Variants in TDRD6 observed in about 807,000 individuals in gnomAD.
TDRD6 encodes the protein tudor domain containing 6.
Under a neutral mutation model 157.5 loss-of-function variants are expected in TDRD6, and 186 were observed. The ratio of observed to expected loss-of-function variants is 1.18; its 90% confidence interval spans 1.05 to 1.33. The LOEUF is 1.33. TDRD6 is among the 40% of genes most tolerant of loss of function. The pLI, the probability that TDRD6 is intolerant of heterozygous loss-of-function variation, is 0.00. For missense variants in TDRD6, 3,066 were observed against 2,508.0 expected (o/e 1.22, Z -4.75); for synonymous variants, 1,075 against 945.2 (o/e 1.14, Z -2.52).
At position 46,693,458 on chromosome 6, in the gene TDRD6, G is replaced by T; in HGVS notation, c.5330G>T (p.Cys1777Phe). ...NFRDPKTDNI[C>F]EGFENPCKDK... ...CGTGACCCTAAAACTGATAACATTT[G>T]TGAAGGGTTTGAAAACCCCTGCAAA... The change falls in exon 1 of 4, where the codon TGT becomes TTT. Residue 1777 changes from cysteine to phenylalanine, a missense_variant. Coordinates refer to ENST00000316081, the MANE Select transcript of TDRD6 (RefSeq NM_001010870.3). 2 of 1,614,068 alleles carry T rather than the reference G, an allele frequency of 1.2e-6. No homozygotes were observed. The highest frequency in any genetic ancestry group is 1.7e-6 in the Non-Finnish European group (2 of 1,180,002).
the TDRD6 span, among the ~76,000 whole-genome samples, chr6:46,680,474 T>C: frequency 2.0e-5 from 3 of 152,350 alleles, no homozygotes; most frequent in East Asian, 5.8e-4. Context: ...GTTTATATTC[T>C]CATATTTCAA....
upstream of TDRD6, among the ~76,000 whole-genome samples, chr6:46,683,117 T>C (rs984661780): frequency 6.6e-6 from 1 of 151,942 alleles, no homozygotes; most frequent in Non-Finnish European, 1.5e-5. Context: ...CAAAGACAGA[T>C]ATATAGATTG....
rs1371458831 is a variant in TDRD6, at chr6:46,692,713, G to C, written c.4585G>C (p.Asp1529His). The change falls in exon 1 of 4, where the codon GAT (aspartate) becomes CAT (histidine). Residue 1529 changes from aspartate (D) to histidine (H), a missense_variant. Asp to His is a moderately conservative substitution (Grantham distance 81, BLOSUM62 -1). Coordinates refer to ENST00000316081, the MANE Select transcript of TDRD6 (RefSeq NM_001010870.3). The stretch of plus-strand genomic sequence containing the variant: ...GATAAGAGCTTATGCCACTGTGATA[G>C]ATGGACCTGAGTACTTTTGGTGTCA... ...KMIRAYATVI[D>H]GPEYFWCQFA... 2 of 1,614,140 alleles carry C rather than the reference G, an allele frequency of 1.2e-6. No homozygotes were observed. The highest frequency in any genetic ancestry group is 2.2e-5 in the South Asian group (2 of 91,076).
rs1272199753 is a variant in TDRD6, at chr6:46,690,973, C to T, written c.2845C>T (p.His949Tyr). 6.2e-7 allele frequency: 1 copy of T among 1,613,974 alleles called. No homozygotes were observed. Among genetic ancestry groups the T allele is most frequent in the African/African-American group, 1.3e-5 (1 of 74,930 alleles). ...GCTAACCCCCTTTCAGAGTGCATGC[C>T]ATTTCTTGGTAGAAAAGAGACTTGC... ...DLLTPFQSAC[H>Y]FLVEKRLARP... Residue 949 changes from histidine to tyrosine, a missense_variant, in exon 1 of 4, where the codon CAT (histidine) becomes TAT (tyrosine). Transcript: ENST00000316081.
At position 46,694,098 on chromosome 6, in the gene TDRD6, A is replaced by G. The variant is rs1764430000; in HGVS notation, c.5970A>G (p.Ala1990=). The G allele has an allele frequency of 1.2e-6, 2 of 1,609,818 alleles. No homozygotes were observed. Among genetic ancestry groups the G allele is most frequent in the South Asian group, 1.1e-5 (1 of 89,938 alleles). The stretch of plus-strand genomic sequence containing the variant: ...ATAAAAACAGGGATGCCATTTCGGC[A>G]TTGATGCCTTTGTTCTCTGAGGAAG... ...VEYKNRDAIS[A]LMPLFSEEES... is the part of the protein sequence containing the mutation. The change falls in exon 1 of 4, where the codon GCA becomes GCG. Residue 1990 remains alanine, a synonymous_variant. Transcript: ENST00000316081.
rs368044284 is a variant in TDRD6, at chr6:46,693,787, G to A, written c.5659G>A (p.Ala1887Thr). 27 of 1,614,036 alleles carry A rather than the reference G, an allele frequency of 1.7e-5. 1 individual carries two copies. Among genetic ancestry groups the A allele is most frequent in the African/African-American group, 1.6e-4 (12 of 74,922 alleles). Residue 1887 changes from alanine to threonine, a missense_variant, in exon 1 of 4, where the codon GCC becomes ACC. Physicochemically the swap from Ala to Thr is moderately conservative, Grantham distance 58. Coordinates refer to ENST00000316081, the MANE Select transcript of TDRD6 (RefSeq NM_001010870.3). Reference protein sequence around the residue: ...PLSQECVTKGAMELFTLQLPL... With the variant: ...PLSQECVTKGTMELFTLQLPL... ...CTCCCAAGAGTGTGTCACAAAAGGC[G>A]CCATGGAGCTATTTACACTGCAGCT... is the stretch of plus-strand genomic sequence containing the variant.
chr6:46,693,566 T>A lies in TDRD6; in HGVS notation c.5438T>A (p.Ile1813Asn). ...GCAGAGTTTGATGATAAATACCTGATTACAGGATTTAACACATTACTACCA... is the reference window on the plus strand; with the variant it reads ...GCAGAGTTTGATGATAAATACCTGAATACAGGATTTAACACATTACTACCA... The part of the protein sequence containing the change: ...DKAEFDDKYL[I>N]TGFNTLLPHA... Residue 1813 changes from isoleucine (I) to asparagine (N), a missense_variant, in exon 1 of 4, where the codon ATT becomes AAT. Coordinates refer to ENST00000316081, the MANE Select transcript of TDRD6 (RefSeq NM_001010870.3). 1 of 1,614,146 alleles carries A rather than the reference T, an allele frequency of 6.2e-7. No individual in the cohort carries two copies. Among genetic ancestry groups the A allele is most frequent in the Non-Finnish European group, 8.5e-7 (1 of 1,179,982 alleles).
chr6:46,686,507 C>A (rs573303602), upstream of TDRD6, among the ~76,000 whole-genome samples: 212 of 148,428 alleles, frequency 1.4e-3, no homozygotes, highest in Non-Finnish European at 2.4e-3. Context: ...ATAACCAATT[C>A]TGCCAGGTTG....
chr6:46,680,530 G>C, the TDRD6 span, among the ~76,000 whole-genome samples: 1 of 152,168 alleles, frequency 6.6e-6, no homozygotes, highest in East Asian at 1.9e-4. Context: ...ACAGACTTCT[G>C]ACGTGTCTGG....
rs187423990 is a variant in TDRD6, at chr6:46,700,604, A to G, written c.6262-1254A>G. Among the ~76,000 whole-genome samples the G allele has an allele frequency of 2.6e-5, 4 of 152,296 alleles. No homozygotes were observed. The East Asian group carries it at 7.7e-4, about 29-fold the overall frequency. On this transcript the variant is annotated intron_variant, in intron 3 of 3. Transcript: ENST00000316081. ...GATGCTATTGGTTGTTAAAAGGAAT[A>G]TAGGAGAAATATTTCCCTTTTCATT...
chr6:46,696,577 G>GTATATA (rs1203164399), intron 2 of TDRD6, among the ~76,000 whole-genome samples: 21 of 47,232 alleles, frequency 4.4e-4, no homozygotes, highest in South Asian at 8.2e-4. Flanking sequence ...GTGTGTGTGT[G>GTATATA]TGTGTATATA....
At chr6:46,701,777 G>C in intron 3 of TDRD6, 81 bp from the exon 4 acceptor site, 2 of 1,395,574 alleles carry the variant, frequency 1.4e-6, no homozygotes, top group Non-Finnish European at 2.0e-6. Flanking sequence ...CATTACATTT[G>C]TCATGGTAAC....
rs1467793185 is a variant in TDRD6, at chr6:46,690,665, A to G, written c.2537A>G (p.His846Arg). The change falls in exon 1 of 4, where the codon CAT (histidine) becomes CGT (arginine). Residue 846 changes from histidine (H) to arginine (R), a missense_variant. Physicochemically the swap from His to Arg is conservative, Grantham distance 29. Coordinates refer to ENST00000316081, the MANE Select transcript of TDRD6 (RefSeq NM_001010870.3). The stretch of plus-strand genomic sequence containing the variant: ...ATTAGTGGGATACAGTCTGTGGAGC[A>G]TGTCAATGTAACATTTGTAGATTAT... The part of the protein sequence containing the change: ...ALISGIQSVE[H>R]VNVTFVDYGD... 2.5e-6 allele frequency: 4 copies of G among 1,614,104 alleles called. No individual in the cohort carries two copies. Among genetic ancestry groups the G allele is most frequent in the East Asian group, 2.2e-5 (1 of 44,896 alleles).
the TDRD6 span, among the ~76,000 whole-genome samples, chr6:46,681,246 T>G: frequency 1.5e-4 from 23 of 152,248 alleles, no homozygotes; most frequent in African/African-American, 5.5e-4. Context: ...AATTATGTTT[T>G]TAAATGATCA....
rs1402550934 is a variant in TDRD6, at chr6:46,689,852, C to T, written c.1724C>T (p.Ser575Leu). The change falls in exon 1 of 4, where the codon TCG becomes TTG. Residue 575 changes from serine (S) to leucine (L), a missense_variant. Physicochemically the swap from Ser to Leu is moderately radical, Grantham distance 145. Transcript: ENST00000316081. ...VDVFLVDRGN[S>L]ENVDWYDVRM... ...GTATTCTTAGTTGACCGAGGCAATT[C>T]GGAAAATGTGGACTGGTATGACGTA... The T allele has an allele frequency of 3.1e-6, 5 of 1,614,020 alleles. No homozygotes were observed. The highest frequency in any genetic ancestry group is 2.2e-5 in the South Asian group (2 of 91,090).
At position 46,701,861 on chromosome 6, in the gene TDRD6, A is replaced by C. The variant is rs755063274; in HGVS notation, c.6265A>C (p.Arg2089=). Residue 2089 remains arginine, a synonymous_variant, in exon 4 of 4, where the codon AGG becomes CGG. Transcript: ENST00000316081. The part of the protein sequence containing the change: ...PKLDKSPPEK[R]GLEVMEI ...AGTTTTTCTCTTTTTGTTTCAGAAA[A>C]GGGGTTTGGAGGTGATGGAGATTTA... The C allele has an allele frequency of 1.2e-6, 2 of 1,612,276 alleles. No homozygotes were observed. Among genetic ancestry groups the C allele is most frequent in the African/African-American group, 1.3e-5 (1 of 74,934 alleles).
At chr6:46,687,364 AT>A (rs1764122617), upstream of TDRD6, among the ~76,000 whole-genome samples, 1 of 152,182 alleles carries the variant, frequency 6.6e-6, no homozygotes, top group Non-Finnish European at 1.5e-5. Context: ...ACCAGTTGCT[AT>A]ATACTTTCAC....
At position 46,692,536 on chromosome 6, in the gene TDRD6, G is replaced by A; in HGVS notation, c.4408G>A (p.Ala1470Thr). Residue 1470 changes from alanine to threonine, a missense_variant, in exon 1 of 4, where the codon GCA becomes ACA. Coordinates refer to ENST00000316081, the MANE Select transcript of TDRD6 (RefSeq NM_001010870.3). Reference sequence around the variant, plus strand: ...TCTTGCTGATGAACATGGGATCATAGCAGATGATATGATTAGCAGGTATGC... The same window carrying A: ...TCTTGCTGATGAACATGGGATCATAACAGATGATATGATTAGCAGGTATGC... Reference protein sequence around the residue: ...VILADEHGIIADDMISRYALS... With the variant: ...VILADEHGIITDDMISRYALS... 1 of 1,613,812 alleles carries A rather than the reference G, an allele frequency of 6.2e-7. No individual in the cohort carries two copies. The highest frequency in any genetic ancestry group is 8.5e-7 in the Non-Finnish European group (1 of 1,180,012).
chr6:46,694,130 G>A lies in TDRD6; in HGVS notation c.6002G>A (p.Ser2001Asn). ...CCTTTGTTCTCTGAGGAAGAAAGCA[G>A]TGATGGAAGCAAGCACAATAATGGT... The part of the protein sequence containing the change: ...LMPLFSEEES[S>N]DGSKHNNGLP... Residue 2001 changes from serine (S) to asparagine (N), a missense_variant, in exon 1 of 4, where the codon AGT becomes AAT. Transcript: ENST00000316081. The A allele has an allele frequency of 1.9e-6, 3 of 1,594,734 alleles. No individual in the cohort carries two copies. The highest frequency in any genetic ancestry group is 2.6e-6 in the Non-Finnish European group (3 of 1,171,452).
Sources: gnomAD v4.1 joint callset for allele counts (sites outside exome capture counted in the v4.1 genomes callset) on GRCh38, gnomAD v4.1.1 for gene constraint, MANE v1.5 for transcripts, NCBI Gene and HGNC (gene_info 2026-07-23, HGNC 2026-07-21) for gene names.